PLPP7: variants seen among roughly 807,000 people sequenced by gnomAD.
PLPP7 encodes inactive phospholipid phosphatase 7.
In PLPP7, 11 loss-of-function variants were observed where a neutral mutation model predicts 16.9. That is an observed-to-expected ratio of 0.65 (90% confidence interval 0.41 to 1.08). The LOEUF is 1.08. Among genes scored for constraint, PLPP7 ranks in the 50% least tolerant of loss-of-function variants. PLPP7 has a pLI of 0.00. For missense variants in PLPP7, 358 were observed against 397.1 expected (o/e 0.90, Z 0.84); for synonymous variants, 174 against 175.1 (o/e 0.99, Z 0.05).
chr9:131,305,639 G>A (rs547351088), intron 1 of PLPP7, among the ~76,000 whole-genome samples: 13 of 152,062 alleles, frequency 8.5e-5, no homozygotes, highest in African/African-American at 2.2e-4. Context: ...GATGAGAGGC[G>A]TGCACCACCA....
rs573398174 is a variant in PLPP7 at position 131,306,403 on chromosome 9, G to A, written c.452-1520G>A. Among the ~76,000 whole-genome samples, 15 of 151,712 alleles carry A rather than the reference G, an allele frequency of 9.9e-5. 1 individual carries two copies. Among genetic ancestry groups the A allele is most frequent in the South Asian group, 4.2e-4 (2 of 4,794 alleles). ...CTAAAAATACAAAAATTAGCCAGGC[G>A]AGGCAGCGTGCGCCTGTAATCCCAG... On this transcript the variant is annotated intron_variant, in intron 1 of 1. Transcript: ENST00000372264.
rs1243654309 is a variant in PLPP7 at position 131,295,676 on chromosome 9, C to T, written c.451+5228C>T. Among the ~76,000 whole-genome samples the T allele has an allele frequency of 6.6e-6, 1 of 151,720 alleles. No individual in the cohort carries two copies. The highest frequency in any genetic ancestry group is 1.9e-4 in the East Asian group (1 of 5,164). On this transcript the variant is annotated intron_variant, in intron 1 of 1. Transcript: ENST00000372264. The surrounding 1 kb of genome is among the most constrained non-coding windows in gnomAD (Gnocchi z 4.0). ...TGACTCCCCACTCCCCTTCCCCCAGCCCCTGGCAACCTCCATTCTACACTC... is the reference window on the plus strand; with the variant it reads ...TGACTCCCCACTCCCCTTCCCCCAGTCCCTGGCAACCTCCATTCTACACTC...
intron 1 of PLPP7, among the ~76,000 whole-genome samples, chr9:131,302,760 G>C (rs1319657959): frequency 6.6e-6 from 1 of 151,970 alleles, no homozygotes; most frequent in African/African-American, 2.4e-5. Flanking sequence ...TGGCTAATGA[G>C]AGGGGCCAGG....
intron 1 of PLPP7, among the ~76,000 whole-genome samples, chr9:131,300,311 T>C (rs1402662793): frequency 6.6e-6 from 1 of 152,174 alleles, no homozygotes; most frequent in African/African-American, 2.4e-5. Flanking sequence ...TATTTTATTT[T>C]ATTTATTTAG....
chr9:131,298,452 G>T (rs1396350358), intron 1 of PLPP7, among the ~76,000 whole-genome samples: 1 of 152,114 alleles, frequency 6.6e-6, no homozygotes, highest in Non-Finnish European at 1.5e-5. Flanking sequence ...CCCCGTCCTT[G>T]TTCCTTGCTT....
chr9:131,303,901 T>A (rs1835825910), intron 1 of PLPP7, among the ~76,000 whole-genome samples: 1 of 152,198 alleles, frequency 6.6e-6, no homozygotes, highest in Non-Finnish European at 1.5e-5. Context: ...GCTGGGTCTC[T>A]GGCTGTGATG....
intron 1 of PLPP7, among the ~76,000 whole-genome samples, chr9:131,300,799 A>C (rs1282672309): frequency 6.6e-6 from 1 of 150,526 alleles, no homozygotes; most frequent in Non-Finnish European, 1.5e-5. Context: ...AGGTTGAGGC[A>C]CCCAGCCCTC....
chr9:131,293,218 C>T (rs954112400), intron 1 of PLPP7, among the ~76,000 whole-genome samples: 1 of 143,534 alleles, frequency 7.0e-6, no homozygotes, highest in Non-Finnish European at 1.5e-5. Context: ...CCCCACTCCT[C>T]GCTGCTCACC....
Position 131,307,957 on chromosome 9 carries a change from G to A in PLPP7, c.486G>A (p.Val162=), listed in dbSNP as rs536171550. Reference sequence around the variant, plus strand: ...TGGACATCATGACGGTGGCCGGCGTGCAGAAGCTCATCAAGCGGCGCGGCC... The same window carrying A: ...TGGACATCATGACGGTGGCCGGCGTACAGAAGCTCATCAAGCGGCGCGGCC... ...LLLDIMTVAG[V]QKLIKRRGPY... is the part of the protein sequence containing the mutation. The change falls in exon 2 of 2, where the codon GTG becomes GTA. Residue 162 remains valine, a synonymous_variant. Coordinates refer to ENST00000372264, the MANE Select transcript of PLPP7 (RefSeq NM_032728.4). 2.2e-5 allele frequency: 35 copies of A among 1,597,492 alleles called. No homozygotes were observed. The highest frequency in any genetic ancestry group is 1.4e-4 in the South Asian group (13 of 90,854).
chr9:131,294,132 G>A (rs1305353630), intron 1 of PLPP7, among the ~76,000 whole-genome samples: 1 of 152,192 alleles, frequency 6.6e-6, no homozygotes, highest in East Asian at 1.9e-4. Context: ...AGTGCACACT[G>A]TCAAGACTCT....
chr9:131,302,445 G>A (rs1835809582), intron 1 of PLPP7, among the ~76,000 whole-genome samples: 1 of 152,090 alleles, frequency 6.6e-6, no homozygotes, highest in Non-Finnish European at 1.5e-5. Context: ...CTGCCCTGGG[G>A]ACCTGGCAGT....
chr9:131,304,248 G>A (rs961252201), intron 1 of PLPP7, among the ~76,000 whole-genome samples: 1 of 152,196 alleles, frequency 6.6e-6, no homozygotes, highest in Non-Finnish European at 1.5e-5. Flanking sequence ...TTCCTCTCTC[G>A]GCACAGAAAG....
intron 1 of PLPP7, among the ~76,000 whole-genome samples, chr9:131,306,268 G>A (rs1406735088): frequency 6.6e-6 from 1 of 151,808 alleles, no homozygotes; most frequent in Non-Finnish European, 1.5e-5. Flanking sequence ...GAGGCCGGGC[G>A]CGGTGGCTCA....
intron 1 of PLPP7, among the ~76,000 whole-genome samples, chr9:131,301,192 C>A (rs1835794920): frequency 6.6e-6 from 1 of 152,148 alleles, no homozygotes; most frequent in African/African-American, 2.4e-5. Flanking sequence ...TGGTCTCGAA[C>A]TCCTGACCTC....
At chr9:131,298,019 C>T (rs1278009081) in intron 1 of PLPP7, among the ~76,000 whole-genome samples, 1 of 152,156 alleles carries the variant, frequency 6.6e-6, no homozygotes, top group African/African-American at 2.4e-5. Flanking sequence ...CCACAGCATG[C>T]TCTGGTGTCT....
At chr9:131,291,634 GGCTCACTACAACCTTCA>G (rs1835679546) in intron 1 of PLPP7, among the ~76,000 whole-genome samples, 1 of 145,738 alleles carries the variant, frequency 6.9e-6, no homozygotes, top group Non-Finnish European at 1.5e-5. Flanking sequence ...GCACGATCTT[GGCTCACTACAACCTTCA>G]GCTCACTACA....
At chr9:131,305,409 A>C (rs959956340) in intron 1 of PLPP7, among the ~76,000 whole-genome samples, 4 of 151,442 alleles carry the variant, frequency 2.6e-5, no homozygotes, top group South Asian at 2.1e-4. Context: ...TTTTTTAATT[A>C]GCTGGGCATG....
chr9:131,289,914 G>T lies in PLPP7; in HGVS notation c.-84G>T. 8.5e-7 allele frequency: 1 copy of T among 1,178,188 alleles called. No individual in the cohort carries two copies. The highest frequency in any genetic ancestry group is 3.9e-5 in the Admixed American group (1 of 25,746). The allele number at this position is 1,178,188 out of a possible 1,614,324, so 73.0% of individuals were successfully genotyped here. The stretch of plus-strand genomic sequence containing the variant: ...AAGGCAGGGAGGCAGCCACGGTGGC[G>T]GCTCTGGGGGCAGCTCTTGTCTTCG... On this transcript the variant is annotated 5_prime_UTR_variant, in exon 1 of 2. Coordinates refer to ENST00000372264, the MANE Select transcript of PLPP7 (RefSeq NM_032728.4).
intron 1 of PLPP7, among the ~76,000 whole-genome samples, chr9:131,296,817 G>A (rs929440658): frequency 5.3e-5 from 8 of 152,192 alleles, no homozygotes; most frequent in African/African-American, 2.4e-5. Context: ...CAGCATGAGG[G>A]GTTCAGATGC....
Sources: gnomAD v4.1 joint callset for allele counts (sites outside exome capture counted in the v4.1 genomes callset) on GRCh38, gnomAD v4.1.1 for gene constraint, Gnocchi (gnomAD v3.1) non-coding constraint, MANE v1.5 for transcripts, NCBI Gene and HGNC (gene_info 2026-07-23, HGNC 2026-07-21) for gene names.